CCSER1: variants seen among roughly 807,000 people sequenced by gnomAD.
The protein encoded by CCSER1 is serine-rich coiled-coil domain-containing protein 1.
In CCSER1, 41 loss-of-function variants were observed where a neutral mutation model predicts 82.0. That is an observed-to-expected ratio of 0.50 (90% CI 0.39 to 0.65). The LOEUF (loss-of-function observed/expected upper bound fraction) is 0.65, where lower values mean the gene tolerates loss of function less well. Ranked by LOEUF, CCSER1 falls within the 30% of genes least tolerant of loss-of-function variation. CCSER1 has a pLI of 0.00. For missense variants in CCSER1, 1,119 were observed against 1,064.2 expected (o/e 1.05, Z -0.72); for synonymous variants, 414 against 383.9 (o/e 1.08, Z -0.92).
intron 10 of CCSER1, among the ~76,000 whole-genome samples, chr4:91,412,517 C>T (rs138710654): frequency 6.6e-6 from 1 of 151,974 alleles, no homozygotes; most frequent in Non-Finnish European, 1.5e-5. Flanking sequence ...ATCCTGGTGC[C>T]AGTGCTACTG....
intron 6 of CCSER1, among the ~76,000 whole-genome samples, chr4:90,699,699 C>T (rs1737662566): frequency 6.6e-6 from 1 of 152,188 alleles, no homozygotes; most frequent in Admixed American, 6.5e-5. Flanking sequence ...CTTCTGCCTT[C>T]TGCTGTATGA....
intron 10 of CCSER1, among the ~76,000 whole-genome samples, chr4:91,310,142 C>T (rs1247171231): frequency 6.6e-6 from 1 of 151,906 alleles, no homozygotes; most frequent in Non-Finnish European, 1.5e-5. Flanking sequence ...AGAGTGGAAG[C>T]TTAGCTAGTT....
chr4:91,068,610 A>G (rs1477763059), intron 9 of CCSER1, among the ~76,000 whole-genome samples: 1 of 152,196 alleles, frequency 6.6e-6, no homozygotes, highest in South Asian at 2.1e-4. Flanking sequence ...GGAACTTAAT[A>G]TGGATATACT....
intron 8 of CCSER1, among the ~76,000 whole-genome samples, chr4:90,884,411 A>G (rs1721810375): frequency 6.6e-6 from 1 of 152,140 alleles, no homozygotes; most frequent in Non-Finnish European, 1.5e-5. Context: ...TGTTGATATC[A>G]ATATATATAA....
intron 7 of CCSER1, among the ~76,000 whole-genome samples, chr4:90,774,788 A>C (rs1210148872): frequency 6.6e-6 from 1 of 152,100 alleles, no homozygotes; most frequent in African/African-American, 2.4e-5. Flanking sequence ...TCCTACAGTA[A>C]TAAAACTAAT....
chr4:91,137,185 C>A (rs2148920754), intron 10 of CCSER1, among the ~76,000 whole-genome samples: 1 of 119,062 alleles, frequency 8.4e-6, no homozygotes, highest in Non-Finnish European at 1.7e-5. Flanking sequence ...CCACAGTCCC[C>A]AGAGTGTGAT....
intron 9 of CCSER1, among the ~76,000 whole-genome samples, chr4:91,045,372 TAGAAA>T (rs1176902862): frequency 2.0e-5 from 3 of 152,344 alleles, no homozygotes; most frequent in African/African-American, 7.2e-5. Flanking sequence ...TCAAGTGTCT[TAGAAA>T]AGATTTGGCA....
intron 10 of CCSER1, among the ~76,000 whole-genome samples, chr4:91,303,510 G>C (rs981477866): frequency 3.3e-5 from 5 of 151,978 alleles, no homozygotes; most frequent in Non-Finnish European, 7.4e-5. Flanking sequence ...TATAGGCCAG[G>C]CACAGTTGTT....
intron 7 of CCSER1, among the ~76,000 whole-genome samples, chr4:90,728,543 T>A (rs57497202): frequency 0.23 from 34,610 of 152,016 alleles, 4,980 homozygotes; most frequent in African/African-American, 0.41. Context: ...TTTCAAAAAA[T>A]TTTTTTGTAG....
At chr4:91,486,937 A>G (rs998861665) in intron 10 of CCSER1, among the ~76,000 whole-genome samples, 1 of 152,168 alleles carries the variant, frequency 6.6e-6, no homozygotes, top group Non-Finnish European at 1.5e-5. Flanking sequence ...AATTTTAATC[A>G]TGTTGTAGTA....
At chr4:91,066,856 G>C (rs1720867165) in intron 9 of CCSER1, among the ~76,000 whole-genome samples, 1 of 152,090 alleles carries the variant, frequency 6.6e-6, no homozygotes, top group African/African-American at 2.4e-5. Context: ...TATCTGTTTT[G>C]ACCCAGCACA....
At chr4:91,470,236 C>G (rs1187985188) in intron 10 of CCSER1, among the ~76,000 whole-genome samples, 1 of 152,114 alleles carries the variant, frequency 6.6e-6, no homozygotes, top group Non-Finnish European at 1.5e-5. Context: ...GGGTATTGTA[C>G]AGATTGTAGA....
chr4:91,532,498 G>C (rs957182823), intron 10 of CCSER1, among the ~76,000 whole-genome samples: 1 of 152,088 alleles, frequency 6.6e-6, no homozygotes, highest in Non-Finnish European at 1.5e-5. Context: ...TCTAGATTGA[G>C]AATAAGTAAG....
chr4:91,497,558 G>T (rs1294890371), intron 10 of CCSER1, among the ~76,000 whole-genome samples: 2 of 151,682 alleles, frequency 1.3e-5, no homozygotes, highest in Admixed American at 6.6e-5. Context: ...GATAACTATG[G>T]CTTTACAAGA....
chr4:90,401,570 G>T (rs1658508910), intron 4 of CCSER1, among the ~76,000 whole-genome samples: 1 of 152,198 alleles, frequency 6.6e-6, no homozygotes, highest in South Asian at 2.1e-4. Context: ...GTCTGGCTCT[G>T]TTGCCCAGGC....
chr4:90,902,102 T>C (rs1724745149), intron 8 of CCSER1, among the ~76,000 whole-genome samples: 1 of 152,030 alleles, frequency 6.6e-6, no homozygotes, highest in East Asian at 1.9e-4. Flanking sequence ...TATTTTGAAA[T>C]TCCTTTCATG....
At chr4:90,335,793 C>T (rs1445343951) in intron 3 of CCSER1, among the ~76,000 whole-genome samples, 1 of 152,136 alleles carries the variant, frequency 6.6e-6, no homozygotes, top group Admixed American at 6.5e-5. Context: ...GTGTATTGTT[C>T]TCTGTTGCAA....
At chr4:91,023,007 T>G (rs959638041) in intron 9 of CCSER1, among the ~76,000 whole-genome samples, 4 of 152,160 alleles carry the variant, frequency 2.6e-5, no homozygotes, top group South Asian at 4.1e-4. Context: ...AGAAGCTCTT[T>G]AGTTTAATTA....
At chr4:91,376,897 T>TCTCTCCCC (rs1750452606) in intron 10 of CCSER1, among the ~76,000 whole-genome samples, 1 of 48,268 alleles carries the variant, frequency 2.1e-5, no homozygotes, top group Non-Finnish European at 4.5e-5. Flanking sequence ...CCTAATACTA[T>TCTCTCCCC]CCCTCCCCCC....
Sources: gnomAD v4.1 joint callset for allele counts (sites outside exome capture counted in the v4.1 genomes callset) on GRCh38, gnomAD v4.1.1 for gene constraint, MANE v1.5 for transcripts, NCBI Gene and HGNC (gene_info 2026-07-23, HGNC 2026-07-21) for gene names.